The following KIF26B variants were observed in gnomAD, a reference collection of about 807,000 sequenced individuals.
KIF26B encodes the protein kinesin-like protein KIF26B.
A neutral mutation model predicts 151.2 loss-of-function variants in KIF26B; 63 were observed. The ratio of observed to expected loss-of-function variants is 0.42; its 90% CI spans 0.34 to 0.51. The LOEUF is 0.51. Among genes scored for constraint, KIF26B ranks in the 20% least tolerant of loss-of-function variants. The pLI, the probability that KIF26B is intolerant of heterozygous loss-of-function variation, is 0.07. For synonymous variants in KIF26B, 1,357 were observed against 1,262.1 expected (o/e 1.08, Z -1.59); for missense variants, 2,813 against 2,913.6 (o/e 0.97, Z 0.79).
rs774959523 is a variant in KIF26B, at chr1:245,699,494, G to GAA, written c.6178+471_6178+472dup. Among the ~76,000 whole-genome samples the GAA allele has an allele frequency of 9.4e-3, 1,206 of 128,654 alleles. 10 individuals are homozygous for GAA. The highest frequency in any genetic ancestry group is 0.032 in the African/African-American group (1,152 of 35,568). The allele number at this position is 128,654 out of a possible 152,430, so 84.4% of individuals were successfully genotyped here. ...AAAGCAAGGAAAACATTTTTGAGTGGAAAAAAAAAAAAAAAGACAGCCACA... is the reference window on the plus strand; with the variant it reads ...AAAGCAAGGAAAACATTTTTGAGTGGAAAAAAAAAAAAAAAAAGACAGCCACA... On this transcript the variant is annotated intron_variant, in intron 14 of 14. Transcript: ENST00000407071.
intron 5 of KIF26B, among the ~76,000 whole-genome samples, chr1:245,598,535 T>C (rs61831267): frequency 1.7e-3 from 264 of 152,336 alleles, no homozygotes; most frequent in Non-Finnish European, 2.9e-3. Flanking sequence ...ATCTGTCTGC[T>C]GTGATCACGT....
chr1:245,429,188 G>C (rs1658718389), intron 4 of KIF26B, among the ~76,000 whole-genome samples: 2 of 152,178 alleles, frequency 1.3e-5, no homozygotes, highest in Admixed American at 6.5e-5. Context: ...ATGAAAATGT[G>C]ATAGTCCTTG....
In KIF26B at chr1:245,580,911, C is replaced by T. The variant is rs997161338; in HGVS notation, c.1351-21666C>T. Among the ~76,000 whole-genome samples the T allele has an allele frequency of 7.2e-5, 11 of 152,322 alleles. No individual in the cohort carries two copies. The East Asian group carries it at 2.1e-3, about 29-fold the overall frequency. ...GGATGGAAAAGCTAAAGGTGATTTC[C>T]AGTCATCTCTTTTGCTGCTGACAGC... is the stretch of plus-strand genomic sequence containing the variant. On this transcript the variant is annotated intron_variant, in intron 5 of 14. Coordinates refer to ENST00000407071, the MANE Select transcript of KIF26B (RefSeq NM_018012.4).
intron 2 of KIF26B, among the ~76,000 whole-genome samples, chr1:245,257,342 T>C (rs1337701019): frequency 6.6e-6 from 1 of 152,228 alleles, no homozygotes; most frequent in Admixed American, 6.5e-5. Flanking sequence ...CTCCTGGGGC[T>C]GTGTCACAGG....
intron 4 of KIF26B, among the ~76,000 whole-genome samples, chr1:245,507,327 C>A (rs1396594063): frequency 6.6e-6 from 1 of 152,180 alleles, no homozygotes; most frequent in Non-Finnish European, 1.5e-5. Context: ...CCGTAGAAAC[C>A]AGGAGGATGC....
chr1:245,242,059 A>C (rs1044899775), intron 2 of KIF26B, among the ~76,000 whole-genome samples: 1 of 152,232 alleles, frequency 6.6e-6, no homozygotes, highest in African/African-American at 2.4e-5. Context: ...CCTGACTGTT[A>C]GATTTAAAAT....
At chr1:245,252,637 G>A (rs1558362337) in intron 2 of KIF26B, among the ~76,000 whole-genome samples, 1 of 150,434 alleles carries the variant, frequency 6.6e-6, no homozygotes, top group Non-Finnish European at 1.5e-5. Context: ...TGACTCTTTT[G>A]TCATAATTGC....
chr1:245,262,471 G>T (rs1437845075), intron 2 of KIF26B, among the ~76,000 whole-genome samples: 2 of 150,930 alleles, frequency 1.3e-5, no homozygotes, highest in Non-Finnish European at 2.9e-5. Context: ...ATTTTTTTTT[G>T]AGATGGAGTT....
rs1184772178 is a variant in KIF26B at position 245,488,881 on chromosome 1, G to C, written c.1167-51886G>C. The stretch of plus-strand genomic sequence containing the variant: ...ATTCTTTATGCCTTAGGCTAGGTTT[G>C]CAGTTGGTAGATGCAAAATATGCTG... On this transcript the variant is annotated intron_variant, in intron 4 of 14. Transcript: ENST00000407071. This position sits in a 1 kb window ranked among gnomAD's most constrained non-coding sequence, Gnocchi z 4.6. Among the ~76,000 whole-genome samples the C allele has an allele frequency of 6.6e-6, 1 of 152,172 alleles. No individual in the cohort carries two copies. The highest frequency in any genetic ancestry group is 1.5e-5 in the Non-Finnish European group (1 of 68,038).
At chr1:245,379,479 T>C (rs1028706138) in intron 3 of KIF26B, among the ~76,000 whole-genome samples, 5 of 151,990 alleles carry the variant, frequency 3.3e-5, no homozygotes, top group African/African-American at 1.2e-4. Context: ...TTTATGATTT[T>C]TTTTTTTTTT....
chr1:245,521,843 CT>C lies in KIF26B; in HGVS notation c.1167-18920del, dbSNP rs575779422. 5.3e-5 allele frequency among the ~76,000 whole-genome samples: 8 copies of C among 152,186 alleles called. No individual in the cohort carries two copies. The South Asian group carries it at 1.7e-3, about 32-fold the overall frequency. ...GCCCATTGTAAGAAGCGGTAAGGTG[CT>C]TTTGTACCCTTTTGGTCCATTTTTC... On this transcript the variant is annotated intron_variant, in intron 4 of 14. Coordinates refer to ENST00000407071, the MANE Select transcript of KIF26B (RefSeq NM_018012.4).
At chr1:245,252,304 A>G (rs1670459577) in intron 2 of KIF26B, among the ~76,000 whole-genome samples, 1 of 151,470 alleles carries the variant, frequency 6.6e-6, no homozygotes, top group South Asian at 2.1e-4. Flanking sequence ...GAAAAAAGAA[A>G]ATTGGTTTTC....
At chr1:245,242,359 G>A (rs941833924) in intron 2 of KIF26B, among the ~76,000 whole-genome samples, 14 of 152,308 alleles carry the variant, frequency 9.2e-5, no homozygotes, top group Admixed American at 2.6e-4. Context: ...TAGCTGAGGC[G>A]CTCAGGGTGC....
At chr1:245,190,789 G>A (rs952021913) in intron 2 of KIF26B, among the ~76,000 whole-genome samples, 10 of 151,792 alleles carry the variant, frequency 6.6e-5, no homozygotes, top group African/African-American at 2.4e-4. Context: ...GCTGGGCGTG[G>A]TGGCTCATGC....
At chr1:245,235,998 T>C (rs1233633726) in intron 2 of KIF26B, among the ~76,000 whole-genome samples, 1 of 151,380 alleles carries the variant, frequency 6.6e-6, no homozygotes, top group Non-Finnish European at 1.5e-5. Flanking sequence ...GGCACCATCT[T>C]GGCTCACTGC....
chr1:245,312,448 T>C (rs966609045), intron 2 of KIF26B, among the ~76,000 whole-genome samples: 2 of 152,166 alleles, frequency 1.3e-5, no homozygotes, highest in Non-Finnish European at 2.9e-5. Flanking sequence ...TTTGCCTCTC[T>C]TTTTGTGTGT....
chr1:245,248,940 T>C lies in KIF26B; in HGVS notation c.465+92257T>C, dbSNP rs535281800. Among the ~76,000 whole-genome samples, 3 of 152,140 alleles carry C rather than the reference T, an allele frequency of 2.0e-5. No homozygotes were observed. The East Asian group carries it at 5.8e-4, about 29-fold the overall frequency. On this transcript the variant is annotated intron_variant, in intron 2 of 14. Coordinates refer to ENST00000407071, the MANE Select transcript of KIF26B (RefSeq NM_018012.4). ...AAGGAGCCTTCATGGAGATTTTATA[T>C]CTCTGGAGAAACTCCTGCAGGTTGC... is the stretch of plus-strand genomic sequence containing the variant.
chr1:245,514,742 C>T (rs934567431), intron 4 of KIF26B, among the ~76,000 whole-genome samples: 1 of 152,122 alleles, frequency 6.6e-6, no homozygotes, highest in Non-Finnish European at 1.5e-5. Flanking sequence ...TAGGTAACAT[C>T]TGAATGTAGT....
intron 2 of KIF26B, among the ~76,000 whole-genome samples, chr1:245,316,788 A>G (rs1424800427): frequency 7.0e-6 from 1 of 143,192 alleles, no homozygotes. Context: ...TTAAATATGA[A>G]TACAAGTGTG....
Sources: gnomAD v4.1 joint callset for allele counts (sites outside exome capture counted in the v4.1 genomes callset) on GRCh38, gnomAD v4.1.1 for gene constraint, Gnocchi (gnomAD v3.1) non-coding constraint, MANE v1.5 for transcripts, NCBI Gene and HGNC (gene_info 2026-07-23, HGNC 2026-07-21) for gene names.